The following LARP1 variants were observed in gnomAD, a reference collection of about 807,000 sequenced individuals.
LARP1 encodes the protein la-related protein 1.
Under a neutral mutation model 122.7 loss-of-function variants are expected in LARP1, and 36 were observed. That is an observed-to-expected ratio of 0.29 (90% CI 0.22 to 0.39). The LOEUF (loss-of-function observed/expected upper bound fraction) is 0.39, where lower values mean the gene tolerates loss of function less well. Ranked by LOEUF, LARP1 falls within the 10% of genes least tolerant of loss-of-function variation. The pLI is 1.00. For missense variants in LARP1, 1,040 were observed against 1,403.6 expected, an observed-to-expected ratio of 0.74 and a Z score of 4.14; for synonymous variants, 539 against 528.7, an observed-to-expected ratio of 1.02 and a Z score of -0.27.
At chr5:154,730,260 C>G (rs1756474163) in intron 1 of LARP1, among the ~76,000 whole-genome samples, 1 of 151,968 alleles carries the variant, frequency 6.6e-6, no homozygotes, top group Non-Finnish European at 1.5e-5. Flanking sequence ...GCGATCTCGG[C>G]TCACTGCAAC....
At chr5:154,798,320 G>A (rs1758054521) in intron 8 of LARP1, among the ~76,000 whole-genome samples, 1 of 152,148 alleles carries the variant, frequency 6.6e-6, no homozygotes, top group Non-Finnish European at 1.5e-5. Flanking sequence ...GCCTCTACAT[G>A]TATTTGTATC....
intron 1 of LARP1, among the ~76,000 whole-genome samples, chr5:154,723,858 C>T (rs1756037617): frequency 1.3e-5 from 2 of 152,116 alleles, no homozygotes; most frequent in African/African-American, 4.8e-5. Context: ...GAGATGGGGC[C>T]CTTCAGCCCC....
Position 154,799,866 on chromosome 5 carries a change from C to G in LARP1, c.1547-7C>G, listed in dbSNP as rs773843068. 1.2e-6 allele frequency: 2 copies of G among 1,613,218 alleles called. No individual in the cohort carries two copies. Among genetic ancestry groups the G allele is most frequent in the South Asian group, 1.1e-5 (1 of 90,976 alleles). ...AGGGATGAGGACTTCCCCTTTCCAC[C>G]CTTTAGAGTCGGCACCTGGCTCTCC... On this transcript the variant is annotated splice_region_variant and splice_polypyrimidine_tract_variant and intron_variant, in intron 9 of 18. Coordinates refer to ENST00000518297, the MANE Select transcript of LARP1 (RefSeq NM_033551.3).
intron 1 of LARP1, among the ~76,000 whole-genome samples, chr5:154,784,276 G>C (rs1756706507): frequency 6.6e-6 from 1 of 152,212 alleles, no homozygotes; most frequent in African/African-American, 2.4e-5. Context: ...GGGAGGGGCA[G>C]ATAAGTAACC....
At chr5:154,749,140 T>G (rs562025643) in intron 1 of LARP1, among the ~76,000 whole-genome samples, 1 of 152,288 alleles carries the variant, frequency 6.6e-6, no homozygotes, top group African/African-American at 2.4e-5. Flanking sequence ...AGGCAGGGCC[T>G]GAGTCCATCA....
intron 1 of LARP1, among the ~76,000 whole-genome samples, chr5:154,779,450 T>C (rs1360478186): frequency 5.3e-5 from 8 of 151,844 alleles, no homozygotes; most frequent in African/African-American, 1.9e-4. Flanking sequence ...CGTGGCATAG[T>C]AAATTGTTGG....
At chr5:154,749,630 A>G (rs926709533) in intron 1 of LARP1, among the ~76,000 whole-genome samples, 6 of 152,272 alleles carry the variant, frequency 3.9e-5, no homozygotes, top group African/African-American at 1.4e-4. Context: ...AGAAGGCCCA[A>G]GAGTCTTCAG....
chr5:154,796,121 T>A (rs1336450718), intron 8 of LARP1, among the ~76,000 whole-genome samples: 1 of 104,246 alleles, frequency 9.6e-6, no homozygotes, highest in Non-Finnish European at 1.8e-5. Context: ...AGTATATATA[T>A]TATATATATT....
At chr5:154,808,410 A>G (rs369598683) in intron 15 of LARP1, 49 bp from the exon 16 acceptor site, 92 of 1,586,122 alleles carry the variant, frequency 5.8e-5, no homozygotes, top group Non-Finnish European at 7.8e-5. Flanking sequence ...CCCTGAAGCA[A>G]GGGCAGCCTG....
At chr5:154,747,563 G>A (rs922738495) in intron 1 of LARP1, among the ~76,000 whole-genome samples, 7 of 152,104 alleles carry the variant, frequency 4.6e-5, no homozygotes, top group Non-Finnish European at 7.4e-5. Flanking sequence ...AAAATTAGCC[G>A]GATGTGGTGG....
Position 154,755,571 on chromosome 5 carries a change from C to T in LARP1, c.-187C>T. On this transcript the variant is annotated 5_prime_UTR_variant, in exon 1 of 19. Coordinates refer to ENST00000518297, the MANE Select transcript of LARP1 (RefSeq NM_033551.3). Reference sequence around the variant, plus strand: ...CCTCCCCCCCCGCCCCGCTAGTGGGCCTCGGATTTACGGCGGCTGCATCTA... The same window carrying T: ...CCTCCCCCCCCGCCCCGCTAGTGGGTCTCGGATTTACGGCGGCTGCATCTA... 1.0e-6 allele frequency: 1 copy of T among 987,540 alleles called. No individual in the cohort carries two copies. 61.2% of individuals were successfully genotyped at this position (987,540 alleles called of 1,614,324 possible). A position where few individuals can be genotyped will look rare whatever the true frequency, so the allele number is the denominator to read the frequency against.
At chr5:154,812,692 G>A (rs1759382229) in intron 18 of LARP1, among the ~76,000 whole-genome samples, 1 of 151,958 alleles carries the variant, frequency 6.6e-6, no homozygotes, top group African/African-American at 2.4e-5. Flanking sequence ...GCTAATTTTT[G>A]TATTTTTAGT....
chr5:154,714,259 G>A (rs1283638169), intron 1 of LARP1, among the ~76,000 whole-genome samples: 1 of 152,166 alleles, frequency 6.6e-6, no homozygotes, highest in Non-Finnish European at 1.5e-5. Context: ...TGCGGCCTCT[G>A]TAGTAATTAT....
chr5:154,701,314 T>C (rs1754701725), intron 1 of LARP1, among the ~76,000 whole-genome samples: 1 of 152,220 alleles, frequency 6.6e-6, no homozygotes, highest in African/African-American at 2.4e-5. Context: ...GATGTTTACT[T>C]GGTCTCAATG....
intron 1 of LARP1, among the ~76,000 whole-genome samples, chr5:154,757,007 T>C (rs1215618201): frequency 6.8e-6 from 1 of 147,532 alleles, no homozygotes; most frequent in Non-Finnish European, 1.5e-5. Flanking sequence ...TTGGGCGCCA[T>C]GCGCCGCGCC....
At chr5:154,789,579 T>G (rs1003301925) in intron 1 of LARP1, among the ~76,000 whole-genome samples, 12 of 152,248 alleles carry the variant, frequency 7.9e-5, no homozygotes, top group Non-Finnish European at 1.6e-4. Context: ...ATCATTATCT[T>G]TTTCATAACT....
chr5:154,706,798 T>G (rs1374940851), intron 1 of LARP1, among the ~76,000 whole-genome samples: 4 of 151,792 alleles, frequency 2.6e-5, no homozygotes, highest in Non-Finnish European at 5.9e-5. Flanking sequence ...TAGGGACTTG[T>G]CTATAAGGTA....
chr5:154,694,374 A>C (rs146125085), intron 1 of LARP1, among the ~76,000 whole-genome samples: 2 of 151,924 alleles, frequency 1.3e-5, no homozygotes, highest in African/African-American at 4.8e-5. Context: ...CTCCCTCTTC[A>C]GCCTCCCCAC....
intron 1 of LARP1, among the ~76,000 whole-genome samples, chr5:154,725,206 A>G (rs1355102895): frequency 6.6e-6 from 1 of 151,992 alleles, no homozygotes; most frequent in Non-Finnish European, 1.5e-5. Context: ...CCTAGCCAAG[A>G]TGGTAAAACC....
Sources: allele counts gnomAD v4.1 joint callset (sites outside exome capture counted in the v4.1 genomes callset), GRCh38; gene constraint gnomAD v4.1.1; transcripts MANE v1.5; gene names NCBI Gene and HGNC (gene_info 2026-07-23, HGNC 2026-07-21).